ADARB2: variants seen among roughly 807,000 people sequenced by gnomAD.
The protein encoded by ADARB2 is inactive double-stranded RNA-specific editase B2.
ADARB2 carries 25 observed loss-of-function variants against 62.2 expected under a neutral mutation model. That is an observed-to-expected ratio of 0.40 (90% CI 0.29 to 0.56). The LOEUF (loss-of-function observed/expected upper bound fraction) is 0.56, where lower values mean the gene tolerates loss of function less well. Ranked by LOEUF, ADARB2 falls within the 20% of genes least tolerant of loss-of-function variation. The pLI is 0.43. For missense variants in ADARB2, 1,071 were observed against 1,077.4 expected (o/e 0.99, Z 0.08); for synonymous variants, 572 against 500.8 (o/e 1.14, Z -1.90).
intron 1 of ADARB2, among the ~76,000 whole-genome samples, chr10:1,417,204 A>C (rs1381773912): frequency 1.3e-5 from 2 of 151,994 alleles, no homozygotes; most frequent in African/African-American, 2.4e-5. Flanking sequence ...ACAGTCAAGA[A>C]GTGTAGACCA....
intron 3 of ADARB2, among the ~76,000 whole-genome samples, chr10:1,297,893 A>T (rs1831537304): frequency 6.6e-6 from 1 of 152,178 alleles, no homozygotes; most frequent in Non-Finnish European, 1.5e-5. Context: ...AGAGGGTGGG[A>T]CAGATGCCCC....
intron 1 of ADARB2, among the ~76,000 whole-genome samples, chr10:1,495,905 A>G (rs1214268125): frequency 6.6e-6 from 1 of 152,042 alleles, no homozygotes; most frequent in Non-Finnish European, 1.5e-5. Context: ...TAGTATCAAC[A>G]TTATCACCAC....
intron 6 of ADARB2, among the ~76,000 whole-genome samples, chr10:1,228,736 C>T (rs1036520644): frequency 2.0e-5 from 3 of 152,226 alleles, no homozygotes; most frequent in Non-Finnish European, 2.9e-5. Context: ...CGGTCGCATG[C>T]GATGCACCAC....
At position 1,592,277 on chromosome 10, in the gene ADARB2, G is replaced by A. The variant is rs181275722; in HGVS notation, c.100+144774C>T. Among the ~76,000 whole-genome samples, 629 of 144,282 alleles carry A rather than the reference G, an allele frequency of 4.4e-3. 16 individuals carry two copies. The highest frequency in any genetic ancestry group is 0.016 in the African/African-American group (603 of 38,108). The allele number at this position is 144,282 out of a possible 152,430, so 94.7% of individuals were successfully genotyped here. A position where few individuals can be genotyped will look rare whatever the true frequency, so the allele number is the denominator to read the frequency against. ...GCTCCCCTGGCCCAAGCCACACTCTGTAGGTCTCCTCTCTGGCATGGTCCC... is the reference window on the plus strand; with the variant it reads ...GCTCCCCTGGCCCAAGCCACACTCTATAGGTCTCCTCTCTGGCATGGTCCC... On this transcript the variant is annotated intron_variant, in intron 1 of 9. Transcript: ENST00000381312.
intron 1 of ADARB2, among the ~76,000 whole-genome samples, chr10:1,515,722 G>A (rs1832000387): frequency 6.6e-6 from 1 of 152,204 alleles, no homozygotes; most frequent in Non-Finnish European, 1.5e-5. Flanking sequence ...CAAGGAAAAA[G>A]TAACTTCAGA....
intron 1 of ADARB2, among the ~76,000 whole-genome samples, chr10:1,511,324 T>C (rs973071428): frequency 1.3e-5 from 2 of 152,228 alleles, no homozygotes; most frequent in Admixed American, 6.5e-5. Context: ...ACCTACCCCA[T>C]GGTGGGCTTT....
At chr10:1,428,562 C>T (rs1830739789) in intron 1 of ADARB2, among the ~76,000 whole-genome samples, 1 of 152,142 alleles carries the variant, frequency 6.6e-6, no homozygotes, top group African/African-American at 2.4e-5. Flanking sequence ...GCTGGGATTA[C>T]AGGCATGAAC....
chr10:1,221,663 C>T (rs563748665), intron 6 of ADARB2, among the ~76,000 whole-genome samples: 70 of 151,056 alleles, frequency 4.6e-4, no homozygotes, highest in Middle Eastern at 3.4e-3. Flanking sequence ...TGAGAACATG[C>T]GGTGTTTGGT....
intron 1 of ADARB2, among the ~76,000 whole-genome samples, chr10:1,574,952 C>T (rs980335707): frequency 4.8e-4 from 16 of 33,074 alleles, no homozygotes; most frequent in South Asian, 7.9e-4. Flanking sequence ...CCAGGGGCAG[C>T]GATTCAGGGG....
At chr10:1,689,127 G>A (rs1354434886) in intron 1 of ADARB2, among the ~76,000 whole-genome samples, 2 of 152,180 alleles carry the variant, frequency 1.3e-5, no homozygotes, top group Non-Finnish European at 2.9e-5. Context: ...AGCAAGAGAG[G>A]AACTGGCTGC....
chr10:1,460,758 G>A (rs367736267), intron 1 of ADARB2, among the ~76,000 whole-genome samples: 4 of 129,812 alleles, frequency 3.1e-5, no homozygotes, highest in East Asian at 2.0e-4. Flanking sequence ...GTTTACCTGC[G>A]TAACAAACCT....
At chr10:1,609,197 G>A (rs1046314007) in intron 1 of ADARB2, among the ~76,000 whole-genome samples, 1 of 152,226 alleles carries the variant, frequency 6.6e-6, no homozygotes, top group Admixed American at 6.5e-5. Flanking sequence ...GGAATGTGCC[G>A]CAGGGCTGCT....
At chr10:1,507,245 C>T (rs191596540) in intron 1 of ADARB2, among the ~76,000 whole-genome samples, 116 of 152,330 alleles carry the variant, frequency 7.6e-4, no homozygotes, top group African/African-American at 2.7e-3. Flanking sequence ...AGGAAGGAAA[C>T]AGAGTGGGCT....
intron 8 of ADARB2, chr10:1,199,637 GCAGGTGGGCGGC>G (rs1413004397): frequency 3.8e-6 from 1 of 261,324 alleles, no homozygotes; most frequent in Non-Finnish European, 7.1e-6. Flanking sequence ...GGGCAGGTGG[GCAGGTGGGCGGC>G]CAGGTGGGCA....
chr10:1,326,967 GCC>G lies in ADARB2; in HGVS notation c.1077+36059_1077+36060del, dbSNP rs1381886524. ...CCCCACGGCACAGCGCCTCCCCACG[GCC>G]CAGCGCCTCCCCACGGCCCAGCGCC... On this transcript the variant is annotated intron_variant, in intron 3 of 9. Transcript: ENST00000381312. 3.8e-3 allele frequency among the ~76,000 whole-genome samples: 221 copies of G among 58,622 alleles called. 76 individuals carry two copies. Among genetic ancestry groups the G allele is most frequent in the Non-Finnish European group, 5.8e-3 (152 of 26,234 alleles). 38.5% of individuals were successfully genotyped at this position (58,622 alleles called of 152,430 possible). A position where few individuals can be genotyped will look rare whatever the true frequency, so the allele number is the denominator to read the frequency against.
At chr10:1,584,403 C>A (rs779360787) in intron 1 of ADARB2, among the ~76,000 whole-genome samples, 3 of 152,096 alleles carry the variant, frequency 2.0e-5, no homozygotes, top group Non-Finnish European at 4.4e-5. Context: ...GCCACTACAC[C>A]CCTAATAGCA....
chr10:1,543,588 G>A (rs573274141), intron 1 of ADARB2, among the ~76,000 whole-genome samples: 27 of 152,220 alleles, frequency 1.8e-4, no homozygotes, highest in African/African-American at 5.8e-4. Context: ...ACACACCCTC[G>A]CAGATGAAGA....
At chr10:1,573,857 C>T (rs1468571858) in intron 1 of ADARB2, among the ~76,000 whole-genome samples, 2 of 152,196 alleles carry the variant, frequency 1.3e-5, no homozygotes, top group Non-Finnish European at 2.9e-5. Context: ...GCAGCCAGCT[C>T]CTCAACTGGC....
chr10:1,513,876 G>T (rs1372965042), intron 1 of ADARB2, among the ~76,000 whole-genome samples: 1 of 152,026 alleles, frequency 6.6e-6, no homozygotes, highest in Non-Finnish European at 1.5e-5. Context: ...TGTTTACCCT[G>T]TTCTATCTAA....
Sources: allele counts gnomAD v4.1 joint callset (sites outside exome capture counted in the v4.1 genomes callset), GRCh38; gene constraint gnomAD v4.1.1; transcripts MANE v1.5; gene names NCBI Gene and HGNC (gene_info 2026-07-23, HGNC 2026-07-21).